Variants in RGS22 observed in about 807,000 individuals in gnomAD.
RGS22 encodes the protein regulator of G-protein signaling 22.
A neutral mutation model predicts 172.9 loss-of-function variants in RGS22; 148 were observed. The observed-to-expected ratio is 0.86, with a 90% CI of 0.75 to 0.98. The LOEUF is 0.98. Ranked by LOEUF, RGS22 falls within the 50% of genes least tolerant of loss-of-function variation. The pLI, the probability that RGS22 is intolerant of heterozygous loss-of-function variation, is 0.00. For missense variants in RGS22, 1,347 were observed against 1,440.8 expected, an observed-to-expected ratio of 0.93 and a Z score of 1.05; for synonymous variants, 458 against 480.2, an observed-to-expected ratio of 0.95 and a Z score of 0.60.
intron 11 of RGS22, among the ~76,000 whole-genome samples, chr8:100,042,287 T>G (rs934656804): frequency 5.9e-5 from 9 of 152,076 alleles, no homozygotes; most frequent in South Asian, 2.1e-4. Flanking sequence ...TTAAAAAAAT[T>G]TTAATGTGTT....
chr8:99,989,011 A>G (rs115908294), intron 20 of RGS22, among the ~76,000 whole-genome samples: 1,592 of 152,216 alleles, frequency 0.01, 20 homozygotes, highest in Middle Eastern at 0.034. Context: ...TAAAACCTGT[A>G]ATTTAAACAA....
intron 20 of RGS22, among the ~76,000 whole-genome samples, chr8:99,991,315 C>A (rs1398200796): frequency 6.6e-6 from 1 of 152,184 alleles, no homozygotes. Flanking sequence ...TAACAAATTT[C>A]TCTGAGCTAA....
At position 100,006,017 on chromosome 8, in the gene RGS22, C is replaced by T. The variant is rs892094120; in HGVS notation, c.2454G>A (p.Glu818=). 1.8e-5 allele frequency: 29 copies of T among 1,611,746 alleles called. No individual in the cohort carries two copies. The highest frequency in any genetic ancestry group is 3.3e-5 in the Admixed American group (2 of 59,718). Residue 818 remains glutamate, a splice_region_variant and synonymous_variant, in exon 16 of 28, where the codon GAG becomes GAA. Coordinates refer to ENST00000360863, the MANE Select transcript of RGS22 (RefSeq NM_015668.5). ...LHKETFSKKA[E]DTTCEIGTGI... The stretch of plus-strand genomic sequence containing the variant: ...TTTTCTAAGTAGAAAGTTGCCTTAC[C>T]TCAGCTTTCTTGGAAAATGTCTCTT...
intron 9 of RGS22, among the ~76,000 whole-genome samples, chr8:100,061,819 A>G (rs1293217869): frequency 6.6e-6 from 1 of 152,216 alleles, no homozygotes; most frequent in Admixed American, 6.5e-5. Context: ...AGGAATATAA[A>G]TCATGCTATT....
chr8:100,068,265 G>C (rs1810682118), intron 6 of RGS22, among the ~76,000 whole-genome samples: 1 of 152,010 alleles, frequency 6.6e-6, no homozygotes, highest in East Asian at 1.9e-4. Flanking sequence ...ATGCACTCTT[G>C]TAGTCCCAGC....
intron 12 of RGS22, 96 bp from the exon 13 acceptor site, chr8:100,040,183 CA>C (rs1819957375): frequency 9.5e-7 from 1 of 1,056,654 alleles, no homozygotes; most frequent in Non-Finnish European, 1.4e-6. Context: ...ACCATGCTGT[CA>C]TTTTCCCACT....
chr8:99,965,907 T>C (rs1412470845), intron 23 of RGS22, among the ~76,000 whole-genome samples: 2 of 152,198 alleles, frequency 1.3e-5, no homozygotes, highest in Admixed American at 6.5e-5. Context: ...ATTCTGGGCC[T>C]TTGTATTTTT....
At position 100,051,703 on chromosome 8, in the gene RGS22, G is replaced by GTTTATATATATT. The variant is rs1821458937; in HGVS notation, c.1689+1098_1689+1099insAATATATATAAA. ...TATACATATATATATTTATATATAC[G>GTTTATATATATT]TATATATAAATATATATTTATATAT... On this transcript the variant is annotated intron_variant, in intron 10 of 27. Coordinates refer to ENST00000360863, the MANE Select transcript of RGS22 (RefSeq NM_015668.5). 9.9e-5 allele frequency among the ~76,000 whole-genome samples: 2 copies of GTTTATATATATT among 20,214 alleles called. 1 individual carries two copies. Among genetic ancestry groups the GTTTATATATATT allele is most frequent in the East Asian group, 3.1e-3 (2 of 644 alleles). 13.3% of individuals were successfully genotyped at this position (20,214 alleles called of 152,430 possible).
intron 2 of RGS22, among the ~76,000 whole-genome samples, chr8:100,096,322 A>C (rs1011447550): frequency 6.6e-6 from 1 of 152,238 alleles, no homozygotes. Flanking sequence ...CCTCCATTAC[A>C]TCATTCCATA....
intron 23 of RGS22, among the ~76,000 whole-genome samples, chr8:99,967,679 T>C (rs2131101763): frequency 6.6e-6 from 1 of 152,286 alleles, no homozygotes; most frequent in Admixed American, 6.5e-5. Flanking sequence ...ACTGCCTCTC[T>C]AGATTCCTCC....
chr8:100,021,508 A>C (rs1817598991), intron 14 of RGS22, among the ~76,000 whole-genome samples: 1 of 152,226 alleles, frequency 6.6e-6, no homozygotes, highest in South Asian at 2.1e-4. Flanking sequence ...ATATTTGAAG[A>C]GGAAACATTA....
intron 20 of RGS22, 122 bp downstream of exon 20, chr8:99,996,340 C>A: frequency 1.4e-6 from 1 of 730,602 alleles, no homozygotes; most frequent in Admixed American, 2.4e-5. Context: ...TATCAGTGCT[C>A]AGTTGTCAGT....
chr8:100,075,903 T>C (rs1159815551), intron 4 of RGS22, among the ~76,000 whole-genome samples: 1 of 152,218 alleles, frequency 6.6e-6, no homozygotes, highest in South Asian at 2.1e-4. Flanking sequence ...ATTTGCCCTT[T>C]TTTTTTTAAT....
chr8:100,069,008 C>T (rs1439412554), intron 6 of RGS22, among the ~76,000 whole-genome samples: 1 of 150,860 alleles, frequency 6.6e-6, no homozygotes, highest in South Asian at 2.1e-4. Flanking sequence ...GCCTTAAATA[C>T]ACCACTAAAC....
At chr8:100,098,835 T>G in intron 2 of RGS22, among the ~76,000 whole-genome samples, 1 of 78,034 alleles carries the variant, frequency 1.3e-5, no homozygotes, top group African/African-American at 8.3e-5. Flanking sequence ...TGACCCCCTT[T>G]TATTTTTTTA....
intron 10 of RGS22, among the ~76,000 whole-genome samples, chr8:100,051,542 T>C (rs1821339791): frequency 1.4e-5 from 1 of 71,946 alleles, no homozygotes; most frequent in Non-Finnish European, 2.4e-5. Flanking sequence ...TACATATATA[T>C]TTATACATGT....
At chr8:100,105,277 AAGG>A in intron 2 of RGS22, 94 bp downstream of exon 2, 1 of 980,970 alleles carries the variant, frequency 1.0e-6, no homozygotes, top group Non-Finnish European at 1.6e-6. Context: ...CTCTGGCAAA[AAGG>A]AGGAAAGAAA....
rs538536441 is a variant in RGS22, at chr8:100,076,798, GC to G, written c.339+3335del. ...ACTTGAGGCCAGGAGTTCGAGAGCAGCCTGGCCGACATGGCAAAACCCCATC... is the reference window on the plus strand; with the variant it reads ...ACTTGAGGCCAGGAGTTCGAGAGCAGCTGGCCGACATGGCAAAACCCCATC... On this transcript the variant is annotated intron_variant, in intron 4 of 27. Coordinates refer to ENST00000360863, the MANE Select transcript of RGS22 (RefSeq NM_015668.5). Among the ~76,000 whole-genome samples, 277 of 152,280 alleles carry G rather than the reference GC, an allele frequency of 1.8e-3. 1 individual carries two copies. Among genetic ancestry groups the G allele is most frequent in the African/African-American group, 6.0e-3 (251 of 41,540 alleles).
At chr8:100,093,401 T>C in intron 3 of RGS22, 46 bp downstream of exon 3, 7 of 1,155,528 alleles carry the variant, frequency 6.1e-6, no homozygotes, top group Non-Finnish European at 7.6e-6. Context: ...ATTAAAATAT[T>C]TTGCTTTGAT....
Sources: allele counts gnomAD v4.1 joint callset (sites outside exome capture counted in the v4.1 genomes callset), GRCh38; gene constraint gnomAD v4.1.1; transcripts MANE v1.5; gene names NCBI Gene and HGNC (gene_info 2026-07-23, HGNC 2026-07-21).